TCF7L2: variants seen among roughly 807,000 people sequenced by gnomAD.
TCF7L2 encodes the protein transcription factor 7 like 2.
In TCF7L2, 23 loss-of-function variants were observed where a neutral mutation model predicts 77.9. The observed-to-expected ratio is 0.30, with a 90% CI of 0.21 to 0.42. The LOEUF is 0.42. Ranked by LOEUF, TCF7L2 falls within the 10% of genes least tolerant of loss-of-function variation. The pLI is 1.00. For synonymous variants in TCF7L2, 413 were observed against 340.2 expected, an observed-to-expected ratio of 1.21 and a Z score of -2.36; for missense variants, 654 against 793.1, an observed-to-expected ratio of 0.82 and a Z score of 2.11.
At chr10:113,117,413 CT>C (rs2063925700) in intron 5 of TCF7L2, among the ~76,000 whole-genome samples, 1 of 45,726 alleles carries the variant, frequency 2.2e-5, no homozygotes, top group Non-Finnish European at 4.8e-5. Context: ...CTCTCTCTCT[CT>C]CTCTCTCTCT....
chr10:113,073,099 C>CATGTGT (rs145753150), intron 5 of TCF7L2, among the ~76,000 whole-genome samples: 1 of 104,022 alleles, frequency 9.6e-6, no homozygotes, highest in Non-Finnish European at 1.9e-5. Context: ...AGGGCCAGGT[C>CATGTGT]GTGTGTGTGT....
intron 5 of TCF7L2, among the ~76,000 whole-genome samples, chr10:113,066,388 T>C (rs2057265486): frequency 6.6e-6 from 1 of 152,086 alleles, no homozygotes; most frequent in Non-Finnish European, 1.5e-5. Context: ...AAGTTATGCT[T>C]TTAATCTAAA....
intron 8 of TCF7L2, among the ~76,000 whole-genome samples, chr10:113,150,309 C>T (rs1426294658): frequency 6.8e-6 from 1 of 147,274 alleles, no homozygotes; most frequent in Admixed American, 7.0e-5. Flanking sequence ...TGTGTGTGCA[C>T]CTTTCCTTTC....
At chr10:113,129,362 T>TG in intron 5 of TCF7L2, 5 of 989,978 alleles carry the variant, frequency 5.1e-6, no homozygotes, top group Non-Finnish European at 6.0e-6. Context: ...GCTCTGTCCC[T>TG]GCTGCCCAAG....
chr10:113,151,244 C>G lies in TCF7L2; in HGVS notation c.1001+121C>G. ...TCGTTTGGTTTGACTGCAGCCAATACCCAGCCTGTGTGGGCTCTTCACTCC... is the reference window on the plus strand; with the variant it reads ...TCGTTTGGTTTGACTGCAGCCAATAGCCAGCCTGTGTGGGCTCTTCACTCC... On this transcript the variant is annotated intron_variant, in intron 9 of 13. Transcript: ENST00000627217. This position sits in a 1 kb window ranked among gnomAD's most constrained non-coding sequence, Gnocchi z 5.2. 7.3e-7 allele frequency: 1 copy of G among 1,364,264 alleles called. No homozygotes were observed. Among genetic ancestry groups the G allele is most frequent in the Admixed American group, 1.9e-5 (1 of 53,752 alleles). 84.5% of individuals were successfully genotyped at this position (1,364,264 alleles called of 1,614,324 possible).
At chr10:113,067,892 AC>A (rs2057456611) in intron 5 of TCF7L2, among the ~76,000 whole-genome samples, 1 of 140,904 alleles carries the variant, frequency 7.1e-6, no homozygotes, top group Admixed American at 7.2e-5. Flanking sequence ...GGGCTAGAGT[AC>A]AAAATGGAAA....
intron 4 of TCF7L2, among the ~76,000 whole-genome samples, chr10:113,001,551 C>G (rs2044483057): frequency 6.6e-6 from 1 of 151,828 alleles, no homozygotes; most frequent in Non-Finnish European, 1.5e-5. Flanking sequence ...GGAGGGAGGA[C>G]TACTCTAAAC....
intron 13 of TCF7L2, chr10:113,161,740 C>A: frequency 2.2e-6 from 2 of 910,228 alleles, no homozygotes; most frequent in South Asian, 1.6e-5. Flanking sequence ...CGTGCATGCC[C>A]ACGAGTCTCC....
chr10:113,159,254 C>G (rs1230124144), intron 12 of TCF7L2, among the ~76,000 whole-genome samples: 1 of 151,976 alleles, frequency 6.6e-6, no homozygotes, highest in Non-Finnish European at 1.5e-5. Flanking sequence ...GAGCTTCTAA[C>G]TAACTCCTAA....
chr10:113,128,848 C>T lies in TCF7L2; in HGVS notation c.553-12336C>T, dbSNP rs116278109. Among the ~76,000 whole-genome samples the T allele has an allele frequency of 6.6e-3, 1,003 of 152,218 alleles. 16 individuals are homozygous for T. The highest frequency in any genetic ancestry group is 0.022 in the African/African-American group (920 of 41,532). Reference sequence around the variant, plus strand: ...TAAGTTAAAACCACACAAATGTACCCGGCCCTGGATCCCATAAGAGCCCCA... The same window carrying T: ...TAAGTTAAAACCACACAAATGTACCTGGCCCTGGATCCCATAAGAGCCCCA... On this transcript the variant is annotated intron_variant, in intron 5 of 13. Coordinates refer to ENST00000627217, the MANE Select transcript of TCF7L2 (RefSeq NM_001146274.2).
rs2068337314 is a variant in TCF7L2, at chr10:113,141,352, G to A, written c.685+36G>A. ...GGCTACGGAGCCAAGGTAGAGTGCT[G>A]GTCCTGGGGTTCTGGGGGAACCTTT... On this transcript the variant is annotated intron_variant, in intron 6 of 13. Coordinates refer to ENST00000627217, the MANE Select transcript of TCF7L2 (RefSeq NM_001146274.2). The A allele has an allele frequency of 1.9e-6, 3 of 1,613,534 alleles. No homozygotes were observed. In the East Asian group the frequency reaches 6.7e-5, roughly 36 times the overall value.
chr10:112,968,184 A>T (rs2037428877), intron 4 of TCF7L2, among the ~76,000 whole-genome samples: 2 of 152,138 alleles, frequency 1.3e-5, no homozygotes, highest in Non-Finnish European at 2.9e-5. Flanking sequence ...TGAGCCGCTC[A>T]GTCTCTGTTG....
chr10:113,118,643 GTTTTTTTTT>G (rs942514123), intron 5 of TCF7L2, among the ~76,000 whole-genome samples: 1 of 87,442 alleles, frequency 1.1e-5, no homozygotes, highest in Non-Finnish European at 2.2e-5. Context: ...TGTTGGGGAA[GTTTTTTTTT>G]TGTTTTTTTT....
intron 5 of TCF7L2, among the ~76,000 whole-genome samples, chr10:113,091,058 T>C (rs1591564567): frequency 6.6e-6 from 1 of 152,114 alleles, no homozygotes; most frequent in Admixed American, 6.6e-5. Flanking sequence ...CCTGTTACCA[T>C]ACCCGGCTAA....
At chr10:112,981,280 G>GC (rs1400155799) in intron 4 of TCF7L2, among the ~76,000 whole-genome samples, 1 of 150,176 alleles carries the variant, frequency 6.7e-6, no homozygotes, top group Non-Finnish European at 1.5e-5. Flanking sequence ...AATGTGATGG[G>GC]CCCCTTTCCT....
At chr10:112,959,981 TG>T (rs1035092165) in intron 3 of TCF7L2, among the ~76,000 whole-genome samples, 8 of 105,398 alleles carry the variant, frequency 7.6e-5, no homozygotes, top group African/African-American at 1.5e-4. Flanking sequence ...GGAAATGATC[TG>T]TTTTTTTTTT....
chr10:113,166,113 A>G lies in TCF7L2; in HGVS notation c.*141A>G. 1 of 677,748 alleles carries G rather than the reference A, an allele frequency of 1.5e-6. No individual in the cohort carries two copies. Among genetic ancestry groups the G allele is most frequent in the Non-Finnish European group, 2.1e-6 (1 of 472,522 alleles). The allele number at this position is 677,748 out of a possible 1,614,324, so 42.0% of individuals were successfully genotyped here. A position where few individuals can be genotyped will look rare whatever the true frequency, so the allele number is the denominator to read the frequency against. Reference sequence around the variant, plus strand: ...TGGCTACATTAGTTGATGTTTATCGAGTTCATTGGTCAATATTTGACCCAT... The same window carrying G: ...TGGCTACATTAGTTGATGTTTATCGGGTTCATTGGTCAATATTTGACCCAT... On this transcript the variant is annotated 3_prime_UTR_variant, in exon 14 of 14. Coordinates refer to ENST00000627217, the MANE Select transcript of TCF7L2 (RefSeq NM_001146274.2).
In TCF7L2 at chr10:112,950,601, G is replaced by A. The variant is rs377107790; in HGVS notation, c.-156G>A. On this transcript the variant is annotated 5_prime_UTR_variant, in exon 1 of 14. Transcript: ENST00000627217. Reference sequence around the variant, plus strand: ...CTCCTCCCTCTTTTCCCCTCCCCAGGAGAAAAAGACCCCCAAGCAGAAAAA... The same window carrying A: ...CTCCTCCCTCTTTTCCCCTCCCCAGAAGAAAAAGACCCCCAAGCAGAAAAA... 3.4e-3 allele frequency: 2,343 copies of A among 698,260 alleles called. 11 individuals are homozygous for A. Among genetic ancestry groups the A allele is most frequent in the South Asian group, 5.4e-3 (267 of 49,232 alleles). 43.3% of individuals were successfully genotyped at this position (698,260 alleles called of 1,614,324 possible).
chr10:113,100,479 G>GTATTTTTTT (rs2061510682), intron 5 of TCF7L2, among the ~76,000 whole-genome samples: 1 of 150,512 alleles, frequency 6.6e-6, no homozygotes, highest in Admixed American at 6.6e-5. Flanking sequence ...GTGAGAAGGT[G>GTATTTTTTT]TATTTTTTTT....
Sources: allele counts gnomAD v4.1 joint callset (sites outside exome capture counted in the v4.1 genomes callset), GRCh38; gene constraint gnomAD v4.1.1; non-coding constraint Gnocchi (gnomAD v3.1); transcripts MANE v1.5; gene names NCBI Gene and HGNC (gene_info 2026-07-23, HGNC 2026-07-21).